The following THBS4 variants were observed in gnomAD, a reference collection of about 807,000 sequenced individuals.
THBS4 encodes thrombospondin 4, also known as thrombospondin-4.
In THBS4, 90 loss-of-function variants were observed where a neutral mutation model predicts 115.7. That is an observed-to-expected ratio of 0.78 (90% CI 0.66 to 0.93). THBS4 has a LOEUF of 0.93. Ranked by LOEUF, THBS4 falls within the 40% of genes least tolerant of loss-of-function variation. THBS4 has a pLI of 0.00. For missense variants in THBS4, 1,087 were observed against 1,232.7 expected (o/e 0.88, Z 1.77); for synonymous variants, 460 against 479.3 (o/e 0.96, Z 0.53).
chr5:80,000,850 TGTG>T (rs1831884707), intron 2 of THBS4, among the ~76,000 whole-genome samples: 1 of 152,070 alleles, frequency 6.6e-6, no homozygotes, highest in African/African-American at 2.4e-5. Context: ...GGGCGGGAAT[TGTG>T]GTAGAAGCTT....
chr5:80,079,759 G>T, intron 19 of THBS4, 146 bp from the exon 20 acceptor site: 2 of 789,044 alleles, frequency 2.5e-6, no homozygotes. Context: ...CCATAGAAAT[G>T]ACATTTAAGT....
Position 80,035,503 on chromosome 5 carries a change from C to T in THBS4, c.-35C>T. On this transcript the variant is annotated 5_prime_UTR_variant, in exon 1 of 22. Transcript: ENST00000350881. This position sits in a 1 kb window ranked among gnomAD's most constrained non-coding sequence, Gnocchi z 4.6. ...CCCCAGGCGGGGCCAACGCCGCCGT[C>T]GCCCCCGGCCTCGCGGGGAGCAGGA... 2 of 1,293,114 alleles carry T rather than the reference C, an allele frequency of 1.5e-6. No individual in the cohort carries two copies. The highest frequency in any genetic ancestry group is 2.3e-5 in the South Asian group (1 of 43,856). 80.1% of individuals were successfully genotyped at this position (1,293,114 alleles called of 1,614,324 possible).
intron 2 of THBS4, among the ~76,000 whole-genome samples, chr5:80,010,242 T>C (rs943805262): frequency 3.3e-5 from 5 of 152,168 alleles, no homozygotes; most frequent in African/African-American, 4.8e-5. Context: ...AATTATCTGA[T>C]TGGAGCAGAC....
At chr5:80,067,727 T>C (rs1393061039) in intron 9 of THBS4, 4 of 437,436 alleles carry the variant, frequency 9.1e-6, no homozygotes, top group Non-Finnish European at 1.7e-5. Context: ...TGGTTCACAG[T>C]CCAGCCTTCT....
intron 9 of THBS4, 99 bp from the exon 10 acceptor site, chr5:80,067,874 A>G (rs1245255543): frequency 2.9e-6 from 4 of 1,402,242 alleles, no homozygotes; most frequent in East Asian, 2.3e-5. Context: ...CCTGCCAGCA[A>G]TGAGTACCTG....
At chr5:80,068,357 C>G (rs556691901) in intron 10 of THBS4, among the ~76,000 whole-genome samples, 10 of 152,306 alleles carry the variant, frequency 6.6e-5, no homozygotes, top group African/African-American at 2.4e-4. Flanking sequence ...CAACCCTGTC[C>G]ACTTGGGTAC....
At chr5:80,073,204 G>A in intron 14 of THBS4, 71 bp from the exon 15 acceptor site, 2 of 1,490,554 alleles carry the variant, frequency 1.3e-6, no homozygotes, top group Non-Finnish European at 1.9e-6. Context: ...TGATGGGTGA[G>A]GTCTGCCTTC....
Position 80,080,588 on chromosome 5 carries a change from T to TTTTTTTTTTTTTTTTTC in THBS4, c.2684+527_2684+528insCTTTTTTTTTTTTTTTT, listed in dbSNP as rs1561331648. Among the ~76,000 whole-genome samples, 14 of 132,298 alleles carry TTTTTTTTTTTTTTTTTC rather than the reference T, an allele frequency of 1.1e-4. 2 individuals are homozygous for TTTTTTTTTTTTTTTTTC. The East Asian group carries it at 3.2e-3, about 30-fold the overall frequency. The allele number at this position is 132,298 out of a possible 152,430, so 86.8% of individuals were successfully genotyped here. On this transcript the variant is annotated intron_variant, in intron 20 of 21. Transcript: ENST00000350881. ...AGAGCAGCGCTTGTATCTTTTTTTT[T>TTTTTTTTTTTTTTTTTC]TTTTTTTTTTTTTTTTGGAGACGGA...
chr5:80,053,198 C>G (rs941803530), intron 2 of THBS4: 14 of 151,932 alleles, frequency 9.2e-5, no homozygotes, highest in African/African-American at 3.4e-4. Context: ...CCATATTGAC[C>G]TATAACCTCC....
At chr5:80,005,141 A>G (rs1305877855) in intron 2 of THBS4, among the ~76,000 whole-genome samples, 2 of 152,246 alleles carry the variant, frequency 1.3e-5, no homozygotes, top group African/African-American at 2.4e-5. Flanking sequence ...TGCCCTTGAT[A>G]TATCTTGGGA....
At chr5:80,034,954 T>G (rs546264750), upstream of THBS4, among the ~76,000 whole-genome samples, 1 of 152,280 alleles carries the variant, frequency 6.6e-6, no homozygotes, top group East Asian at 1.9e-4. Flanking sequence ...AGGATATTCT[T>G]CTTTTTAGAA....
At chr5:80,066,215 G>A (rs770290205) in intron 9 of THBS4, 1 of 151,794 alleles carries the variant, frequency 6.6e-6, no homozygotes, top group Non-Finnish European at 1.5e-5. Flanking sequence ...GAAAGTTCCT[G>A]TCAAACTGTG....
At chr5:80,080,589 T>TTTTTTTTTTTTTTTTG (rs1743451205) in intron 20 of THBS4, among the ~76,000 whole-genome samples, 1 of 133,242 alleles carries the variant, frequency 7.5e-6, no homozygotes, top group Non-Finnish European at 1.6e-5. Flanking sequence ...CTTTTTTTTT[T>TTTTTTTTTTTTTTTTG]TTTTTTTTTT....
At chr5:80,077,447 G>A (rs1224776566) in intron 16 of THBS4, among the ~76,000 whole-genome samples, 4 of 152,186 alleles carry the variant, frequency 2.6e-5, no homozygotes, top group African/African-American at 9.7e-5. Flanking sequence ...GGTATATGCT[G>A]GGTTCACAAA....
intron 17 of THBS4, 116 bp downstream of exon 17, chr5:80,078,343 C>A: frequency 1.2e-6 from 1 of 857,008 alleles, no homozygotes; most frequent in Non-Finnish European, 1.7e-6. Context: ...TTCACATTCG[C>A]TCTTATTCCT....
upstream of THBS4, among the ~76,000 whole-genome samples, chr5:80,034,180 GTAGTGTAATGTGGCAT>G (rs1412389635): frequency 6.6e-6 from 1 of 152,164 alleles, no homozygotes; most frequent in East Asian, 1.9e-4. Flanking sequence ...AAGAGTGACT[GTAGTGTAATGTGGCAT>G]TAAAGGAACC....
intron 10 of THBS4, 41 bp from the exon 11 acceptor site, chr5:80,070,265 G>A: frequency 6.6e-7 from 1 of 1,514,112 alleles, no homozygotes; most frequent in South Asian, 1.3e-5. Flanking sequence ...CTTCCTGCCA[G>A]GCTCAGCTTC....
At chr5:80,036,709 G>C (rs2112019912) in intron 1 of THBS4, among the ~76,000 whole-genome samples, 1 of 152,288 alleles carries the variant, frequency 6.6e-6, no homozygotes, top group African/African-American at 2.4e-5. Context: ...AAAGATCTTA[G>C]GGCTATAACT....
chr5:80,042,394 G>A (rs560683030), intron 2 of THBS4, among the ~76,000 whole-genome samples: 34 of 152,238 alleles, frequency 2.2e-4, no homozygotes, highest in African/African-American at 7.5e-4. Context: ...TTTTTCTTTC[G>A]GTTCATCCAG....
Sources: gnomAD v4.1 joint callset for allele counts (sites outside exome capture counted in the v4.1 genomes callset) on GRCh38, gnomAD v4.1.1 for gene constraint, Gnocchi (gnomAD v3.1) non-coding constraint, MANE v1.5 for transcripts, NCBI Gene and HGNC (gene_info 2026-07-23, HGNC 2026-07-21) for gene names.